RANBP2: variants seen among roughly 807,000 people sequenced by gnomAD.
The protein encoded by RANBP2 is E3 SUMO-protein ligase RanBP2.
In RANBP2, 57 loss-of-function variants were observed where a neutral mutation model predicts 303.6. The observed-to-expected ratio is 0.19, with a 90% CI of 0.15 to 0.23. The LOEUF (loss-of-function observed/expected upper bound fraction) is 0.23. Among genes scored for constraint, RANBP2 ranks in the 10% least tolerant of loss-of-function variants. The probability of loss-of-function intolerance (pLI) is 1.00; values close to 1 mark genes in which losing one functional copy is unlikely to be tolerated. For synonymous variants in RANBP2, 1,167 were observed against 1,301.5 expected, an observed-to-expected ratio of 0.90 and a Z score of 2.23; for missense variants, 3,138 against 3,780.8, an observed-to-expected ratio of 0.83 and a Z score of 4.46.
At chr2:109,725,547 G>T in the RANBP2 span, among the ~76,000 whole-genome samples, 5 of 152,268 alleles carry the variant, frequency 3.3e-5, no homozygotes, top group East Asian at 9.7e-4. Context: ...GGCTCTGTGG[G>T]AAGTAGTGGT....
At chr2:109,590,097 CATAT>C in the RANBP2 span, among the ~76,000 whole-genome samples, 1 of 146,354 alleles carries the variant, frequency 6.8e-6, no homozygotes, top group Non-Finnish European at 1.5e-5. Context: ...TATATACACA[CATAT>C]ATATGTATGT....
the RANBP2 span, among the ~76,000 whole-genome samples, chr2:109,381,187 G>T: frequency 6.6e-6 from 1 of 152,216 alleles, no homozygotes; most frequent in Non-Finnish European, 1.5e-5. Flanking sequence ...AAGTGTGTCA[G>T]CCTAGGGGCA....
the RANBP2 span, among the ~76,000 whole-genome samples, chr2:109,336,143 A>G: frequency 6.6e-6 from 1 of 152,228 alleles, no homozygotes; most frequent in African/African-American, 2.4e-5. Flanking sequence ...AATATCTTAA[A>G]GAAAGTCAAA....
the RANBP2 span, among the ~76,000 whole-genome samples, chr2:109,711,288 G>A: frequency 2.4e-4 from 36 of 151,822 alleles, no homozygotes; most frequent in Admixed American, 1.8e-3. Context: ...CCCTATAAAC[G>A]TCACCATTTC....
At chr2:109,405,336 C>T in the RANBP2 span, among the ~76,000 whole-genome samples, 10 of 152,264 alleles carry the variant, frequency 6.6e-5, no homozygotes, top group African/African-American at 1.4e-4. Flanking sequence ...TCTTCGTCTT[C>T]GCTAATACCC....
the RANBP2 span, among the ~76,000 whole-genome samples, chr2:108,999,768 C>A: frequency 3.3e-5 from 5 of 152,194 alleles, no homozygotes; most frequent in Admixed American, 3.3e-4. Flanking sequence ...TACGAAATTT[C>A]CCTTTTTATT....
chr2:109,485,725 G>C, the RANBP2 span, among the ~76,000 whole-genome samples: 1 of 152,286 alleles, frequency 6.6e-6, no homozygotes, highest in Non-Finnish European at 1.5e-5. Flanking sequence ...GTGACTGTGA[G>C]TGTGTAAGCA....
At chr2:109,776,139 T>TTATACCTCGTGACTTTTA in the RANBP2 span, among the ~76,000 whole-genome samples, 1 of 141,622 alleles carries the variant, frequency 7.1e-6, no homozygotes, top group Non-Finnish European at 1.5e-5. Context: ...GGTTCACACT[T>TTATACCTCGTGACTTTTA]TATACCTCGT....
At chr2:109,071,954 A>C in the RANBP2 span, among the ~76,000 whole-genome samples, 9 of 152,220 alleles carry the variant, frequency 5.9e-5, no homozygotes, top group Non-Finnish European at 8.8e-5. Flanking sequence ...GAAGGTGACA[A>C]CAGAATATAT....
At chr2:108,870,746 G>T in the RANBP2 span, among the ~76,000 whole-genome samples, 1 of 152,200 alleles carries the variant, frequency 6.6e-6, no homozygotes, top group Non-Finnish European at 1.5e-5. Flanking sequence ...TATCTTCTAT[G>T]ATTCCTCTTA....
the RANBP2 span, among the ~76,000 whole-genome samples, chr2:109,305,401 C>A: frequency 6.6e-6 from 1 of 152,130 alleles, no homozygotes; most frequent in Non-Finnish European, 1.5e-5. Context: ...CAATCAAAGG[C>A]CCCTTCTTAG....
At chr2:109,697,836 A>G in the RANBP2 span, among the ~76,000 whole-genome samples, 1 of 149,300 alleles carries the variant, frequency 6.7e-6, no homozygotes, top group African/African-American at 2.5e-5. Context: ...TTATTCTTTC[A>G]TTATTATGAT....
the RANBP2 span, among the ~76,000 whole-genome samples, chr2:109,010,909 TTGCTGACGATG>T: frequency 6.6e-6 from 1 of 152,286 alleles, no homozygotes; most frequent in Non-Finnish European, 1.5e-5. Flanking sequence ...AGCCTACAGG[TTGCTGACGATG>T]TGTGTGAGCT....
Position 108,775,779 on chromosome 2 carries a change from A to C in RANBP2, c.8340A>C (p.Thr2780=). 6.2e-7 allele frequency: 1 copy of C among 1,613,884 alleles called. No homozygotes were observed. Among genetic ancestry groups the C allele is most frequent in the Non-Finnish European group, 8.5e-7 (1 of 1,179,920 alleles). The part of the protein sequence containing the change: ...EITSTTDSVY[T]GGTEVMVPSF... The stretch of plus-strand genomic sequence containing the variant: ...CTAGCACAACTGACAGTGTATATAC[A>C]GGTGGGACTGAAGTGATGGTACCTT... The change falls in exon 24 of 29, where the codon ACA becomes ACC. Residue 2780 remains threonine, a synonymous_variant. Coordinates refer to ENST00000283195, the MANE Select transcript of RANBP2 (RefSeq NM_006267.5).
the RANBP2 span, among the ~76,000 whole-genome samples, chr2:108,790,811 G>C: frequency 6.6e-6 from 1 of 152,194 alleles, no homozygotes; most frequent in Non-Finnish European, 1.5e-5. Context: ...GAGTGCAGTA[G>C]CATAATTGTA....
the RANBP2 span, among the ~76,000 whole-genome samples, chr2:109,489,583 CAG>C: frequency 1.3e-5 from 2 of 152,256 alleles, 1 homozygote; most frequent in East Asian, 3.8e-4. Context: ...GGTCCCGTGA[CAG>C]AGAGGGCTGT....
the RANBP2 span, among the ~76,000 whole-genome samples, chr2:109,457,718 A>G: frequency 6.6e-6 from 1 of 152,212 alleles, no homozygotes; most frequent in South Asian, 2.1e-4. Context: ...TTCAACTGAT[A>G]TATTCTCACA....
the RANBP2 span, among the ~76,000 whole-genome samples, chr2:108,830,572 C>T: frequency 2.7e-5 from 4 of 150,820 alleles, no homozygotes; most frequent in South Asian, 2.1e-4. Context: ...TTTGGGAGGC[C>T]GAGGCGGGCA....
chr2:109,555,175 T>G, the RANBP2 span, among the ~76,000 whole-genome samples: 1 of 152,178 alleles, frequency 6.6e-6, no homozygotes. Context: ...CTCACCACAT[T>G]AAAGTTATGC....
Sources: gnomAD v4.1 joint callset for allele counts (sites outside exome capture counted in the v4.1 genomes callset) on GRCh38, gnomAD v4.1.1 for gene constraint, MANE v1.5 for transcripts, NCBI Gene and HGNC (gene_info 2026-07-23, HGNC 2026-07-21) for gene names.